Variants in DLG2 observed in about 807,000 individuals in gnomAD.
DLG2 encodes the protein disks large homolog 2.
DLG2 carries 45 observed loss-of-function variants against 132.5 expected under a neutral mutation model. The ratio of observed to expected loss-of-function variants is 0.34; its 90% CI spans 0.27 to 0.44. The LOEUF (loss-of-function observed/expected upper bound fraction) is 0.44. DLG2 is among the 20% of genes least tolerant of loss of function. DLG2 has a pLI of 1.00. For missense variants in DLG2, 1,045 were observed against 1,196.9 expected (o/e 0.87, Z 1.87); for synonymous variants, 424 against 419.6 (o/e 1.01, Z -0.13).
chr11:85,054,870 G>C (rs1354513395), intron 6 of DLG2, among the ~76,000 whole-genome samples: 1 of 152,176 alleles, frequency 6.6e-6, no homozygotes, highest in Non-Finnish European at 1.5e-5. Context: ...TAGACAGGGA[G>C]CAGGGGAGAT....
chr11:84,413,470 A>T (rs1213298946), intron 7 of DLG2, among the ~76,000 whole-genome samples: 1 of 152,202 alleles, frequency 6.6e-6, no homozygotes, highest in Non-Finnish European at 1.5e-5. Context: ...TACAGAGACA[A>T]CACTTTTGTG....
chr11:85,053,868 A>C (rs1411058936), intron 6 of DLG2, among the ~76,000 whole-genome samples: 1 of 151,468 alleles, frequency 6.6e-6, no homozygotes, highest in Non-Finnish European at 1.5e-5. Context: ...TAGAACTTAG[A>C]GAAAAGTACA....
intron 8 of DLG2, among the ~76,000 whole-genome samples, chr11:84,183,259 G>A (rs1289253149): frequency 1.3e-5 from 2 of 152,102 alleles, no homozygotes; most frequent in Non-Finnish European, 2.9e-5. Context: ...CTCATAAAAT[G>A]TTCAAGAACA....
At chr11:85,197,059 CTG>C (rs2081122083) in intron 4 of DLG2, among the ~76,000 whole-genome samples, 1 of 152,104 alleles carries the variant, frequency 6.6e-6, no homozygotes, top group Non-Finnish European at 1.5e-5. Context: ...TAAAAGAAAA[CTG>C]AGGGCAGTTT....
chr11:84,976,391 T>C (rs189850765), intron 6 of DLG2, among the ~76,000 whole-genome samples: 4 of 152,304 alleles, frequency 2.6e-5, no homozygotes, highest in Admixed American at 2.6e-4. Context: ...GAAAGATGAC[T>C]ACTAGGTCAC....
chr11:84,713,288 C>A (rs114727926), intron 6 of DLG2, among the ~76,000 whole-genome samples: 1 of 152,034 alleles, frequency 6.6e-6, no homozygotes, highest in Non-Finnish European at 1.5e-5. Context: ...TTACTTAAAC[C>A]ACCTGCACCC....
At chr11:84,428,650 C>T (rs985283083) in intron 7 of DLG2, among the ~76,000 whole-genome samples, 36 of 152,192 alleles carry the variant, frequency 2.4e-4, no homozygotes, top group African/African-American at 8.2e-4. Context: ...CAGACCCCAC[C>T]ATTATGGCCT....
chr11:85,488,155 C>G (rs1459762048), intron 3 of DLG2, among the ~76,000 whole-genome samples: 2 of 152,168 alleles, frequency 1.3e-5, no homozygotes, highest in South Asian at 2.1e-4. Flanking sequence ...CTTTGGGAGG[C>G]TGAAGTGGGC....
chr11:85,010,570 C>A (rs2059067569), intron 6 of DLG2, among the ~76,000 whole-genome samples: 1 of 152,062 alleles, frequency 6.6e-6, no homozygotes, highest in Admixed American at 6.5e-5. Context: ...ACCTTTTCTT[C>A]TAGTATTATT....
At chr11:83,576,674 T>A (rs1312947922) in intron 19 of DLG2, among the ~76,000 whole-genome samples, 1 of 152,162 alleles carries the variant, frequency 6.6e-6, no homozygotes. Context: ...AAATTCTATA[T>A]CCAGATAAAA....
chr11:85,490,558 C>A (rs1190360437), intron 3 of DLG2, among the ~76,000 whole-genome samples: 1 of 151,124 alleles, frequency 6.6e-6, no homozygotes, highest in African/African-American at 2.4e-5. Flanking sequence ...CTAGAATAAC[C>A]AACAAAAAAA....
At chr11:84,813,143 G>A (rs1598696343) in intron 6 of DLG2, among the ~76,000 whole-genome samples, 1 of 152,082 alleles carries the variant, frequency 6.6e-6, no homozygotes, top group East Asian at 1.9e-4. Context: ...TTCATTTATT[G>A]TAGGTTTAAT....
At chr11:85,428,061 C>G (rs553225917) in intron 3 of DLG2, among the ~76,000 whole-genome samples, 3 of 152,134 alleles carry the variant, frequency 2.0e-5, no homozygotes, top group Non-Finnish European at 4.4e-5. Flanking sequence ...GGGATCAATT[C>G]AACAAGAAGA....
At chr11:84,690,068 A>G (rs2057839370) in intron 6 of DLG2, among the ~76,000 whole-genome samples, 2 of 151,888 alleles carry the variant, frequency 1.3e-5, no homozygotes, top group South Asian at 4.1e-4. Context: ...AGTTGACACA[A>G]CAGAGAATAG....
intron 21 of DLG2, among the ~76,000 whole-genome samples, chr11:83,520,695 GTAGA>G (rs72459775): frequency 0.012 from 1,850 of 149,136 alleles, 22 homozygotes; most frequent in African/African-American, 0.016. Context: ...AAGTAGGTAG[GTAGA>G]TAGATAGATA....
chr11:85,148,202 T>G (rs2076987939), intron 5 of DLG2, among the ~76,000 whole-genome samples: 1 of 152,230 alleles, frequency 6.6e-6, no homozygotes, highest in African/African-American at 2.4e-5. Flanking sequence ...TGAATAGTGC[T>G]GCAATAAACA....
At chr11:84,269,848 C>A (rs952669109) in intron 7 of DLG2, among the ~76,000 whole-genome samples, 10 of 152,082 alleles carry the variant, frequency 6.6e-5, no homozygotes, top group Admixed American at 3.3e-4. Flanking sequence ...TAAGGAAAAC[C>A]AAATTTGTAC....
At chr11:83,669,432 T>A (rs572169258) in intron 18 of DLG2, among the ~76,000 whole-genome samples, 6 of 152,304 alleles carry the variant, frequency 3.9e-5, no homozygotes, top group African/African-American at 1.4e-4. Context: ...TGTATTTCTG[T>A]CTACATGTAC....
intron 17 of DLG2, among the ~76,000 whole-genome samples, chr11:83,823,754 T>A (rs1378289033): frequency 6.6e-6 from 1 of 152,186 alleles, no homozygotes; most frequent in Admixed American, 6.5e-5. Flanking sequence ...CACAGTTTCA[T>A]CCTCAAGGGA....
Sources: allele counts gnomAD v4.1 joint callset (sites outside exome capture counted in the v4.1 genomes callset), GRCh38; gene constraint gnomAD v4.1.1; transcripts MANE v1.5; gene names NCBI Gene and HGNC (gene_info 2026-07-23, HGNC 2026-07-21).